The following ABCC1 variants were observed in gnomAD, a reference collection of about 807,000 sequenced individuals.
ABCC1 encodes ATP binding cassette subfamily C member 1 (ABCC1 blood group).
In ABCC1, 83 loss-of-function variants were observed where a neutral mutation model predicts 172.9. That is an observed-to-expected ratio of 0.48 (90% confidence interval 0.40 to 0.58). The LOEUF is 0.58. Among genes scored for constraint, ABCC1 ranks in the 20% least tolerant of loss-of-function variants. The pLI, the probability that ABCC1 is intolerant of heterozygous loss-of-function variation, is 0.00. For missense variants in ABCC1, 1,817 were observed against 2,002.7 expected (o/e 0.91, Z 1.77); for synonymous variants, 937 against 825.2 (o/e 1.14, Z -2.32).
chr16:16,108,603 T>TA (rs2052248447), intron 21 of ABCC1, among the ~76,000 whole-genome samples: 1 of 150,408 alleles, frequency 6.6e-6, no homozygotes, highest in East Asian at 1.9e-4. Flanking sequence ...TGTTTTCTTT[T>TA]TTTTTTTTCT....
Position 16,078,737 on chromosome 16 carries a change from C to T in ABCC1, c.1989-615C>T, listed in dbSNP as rs536785841. Among the ~76,000 whole-genome samples the T allele has an allele frequency of 1.5e-3, 232 of 152,284 alleles. 2 individuals are homozygous for T. The highest frequency in any genetic ancestry group is 7.3e-3 in the South Asian group (35 of 4,824). The stretch of plus-strand genomic sequence containing the variant: ...TCTTGCCCAGATCGGAGTGCAGTGG[C>T]ACGATCTCAGCTCACTGTAACCTCC... On this transcript the variant is annotated intron_variant, in intron 15 of 30. Coordinates refer to ENST00000399410, the MANE Select transcript of ABCC1 (RefSeq NM_004996.4).
intron 1 of ABCC1, among the ~76,000 whole-genome samples, chr16:15,956,294 G>C (rs945036302): frequency 3.3e-5 from 5 of 151,954 alleles, no homozygotes; most frequent in African/African-American, 1.2e-4. Flanking sequence ...GAACCTGGTA[G>C]GCGGACACTG....
chr16:16,019,895 G>T (rs1279789579), intron 5 of ABCC1, among the ~76,000 whole-genome samples: 1 of 152,116 alleles, frequency 6.6e-6, no homozygotes, highest in Non-Finnish European at 1.5e-5. Context: ...GGCTCCTCCT[G>T]TGTCACTGCT....
rs765984154 is a variant in ABCC1, at chr16:16,007,830, G to C, written c.63G>C (p.Thr21=). 1.9e-6 allele frequency: 3 copies of C among 1,612,734 alleles called. No individual in the cohort carries two copies. The highest frequency in any genetic ancestry group is 2.2e-5 in the South Asian group (2 of 90,726). ...TGTGTTCGCAGGACTGGAATGTCAC[G>C]TGGAATACCAGCAACCCCGACTTCA... is the stretch of plus-strand genomic sequence containing the variant. ...GSDPLWDWNV[T]WNTSNPDFTK... Residue 21 remains threonine (T), a synonymous_variant, in exon 2 of 31, where the codon ACG becomes ACC. Coordinates refer to ENST00000399410, the MANE Select transcript of ABCC1 (RefSeq NM_004996.4).
At position 16,046,092 on chromosome 16, in the gene ABCC1, G is replaced by A. The variant is rs953826116; in HGVS notation, c.1218+79G>A. ...AGCCCTGGGTTACTCTGGGGCCAGC[G>A]TGGGGATTTCCAGCCCAGCTTCTGG... On this transcript the variant is annotated intron_variant, in intron 9 of 30. Coordinates refer to ENST00000399410, the MANE Select transcript of ABCC1 (RefSeq NM_004996.4). 7.0e-5 allele frequency: 106 copies of A among 1,506,314 alleles called. No individual in the cohort carries two copies. The Admixed American group carries it at 8.9e-4, about 13-fold the overall frequency. The allele number at this position is 1,506,314 out of a possible 1,614,324, so 93.3% of individuals were successfully genotyped here. A position where few individuals can be genotyped will look rare whatever the true frequency, so the allele number is the denominator to read the frequency against.
intron 19 of ABCC1, among the ~76,000 whole-genome samples, chr16:16,093,811 AC>A (rs2051349494): frequency 1.3e-5 from 2 of 151,938 alleles, no homozygotes; most frequent in African/African-American, 4.8e-5. Context: ...TTTTTAGAAC[AC>A]CCAGGCTGAA....
At chr16:16,090,101 A>T (rs963287189) in intron 18 of ABCC1, among the ~76,000 whole-genome samples, 9 of 151,966 alleles carry the variant, frequency 5.9e-5, no homozygotes, top group African/African-American at 2.2e-4. Context: ...GCACTATTCT[A>T]CTAGTGTTCG....
At chr16:16,089,914 G>A (rs2051172897) in intron 18 of ABCC1, among the ~76,000 whole-genome samples, 1 of 149,260 alleles carries the variant, frequency 6.7e-6, no homozygotes, top group African/African-American at 2.5e-5. Context: ...CATACAAACT[G>A]TTTTGCTGTG....
chr16:16,037,017 A>G (rs1026416425), intron 7 of ABCC1, among the ~76,000 whole-genome samples: 9 of 151,916 alleles, frequency 5.9e-5, no homozygotes, highest in Non-Finnish European at 1.3e-4. Flanking sequence ...CAGGAGAATC[A>G]CTTGAACCCA....
At position 16,141,239 on chromosome 16, in the gene ABCC1, AG is replaced by A; in HGVS notation, c.4556del (p.Gly1519ValfsTer46). On this transcript the variant is annotated frameshift_variant, in exon 31 of 31. Coordinates refer to ENST00000399410, the MANE Select transcript of ABCC1 (RefSeq NM_004996.4). LOFTEE classifies it high-confidence loss of function. ...CCCCATCGGACCTCCTGCAGCAGAG[AG>A]GTCTTTTCTACAGCATGGCCAAAGA... is the stretch of plus-strand genomic sequence containing the variant. ...GAPSDLLQQR[G>X]LFYSMAKDAG... The A allele has an allele frequency of 6.2e-7, 1 of 1,614,086 alleles. No individual in the cohort carries two copies. The highest frequency in any genetic ancestry group is 8.5e-7 in the Non-Finnish European group (1 of 1,180,030).
At chr16:16,090,824 C>T (rs574344232) in intron 19 of ABCC1, among the ~76,000 whole-genome samples, 11 of 152,304 alleles carry the variant, frequency 7.2e-5, no homozygotes, top group African/African-American at 2.6e-4. Flanking sequence ...CACCAGGCTT[C>T]AGCTCAGCTG....
Position 16,088,448 on chromosome 16 carries a change from A to C in ABCC1, c.2460+1457A>C, listed in dbSNP as rs2051106013. ...TAACAGAGCGAGACTCCGTCTCAGAAAATATATCTAAATAAAGTAAATAAA... is the reference window on the plus strand; with the variant it reads ...TAACAGAGCGAGACTCCGTCTCAGACAATATATCTAAATAAAGTAAATAAA... On this transcript the variant is annotated intron_variant, in intron 18 of 30. Transcript: ENST00000399410. Among the ~76,000 whole-genome samples, 4 of 152,318 alleles carry C rather than the reference A, an allele frequency of 2.6e-5. No individual in the cohort carries two copies. The South Asian group carries it at 8.3e-4, about 32-fold the overall frequency.
chr16:16,015,131 CT>C (rs10694441), intron 4 of ABCC1, among the ~76,000 whole-genome samples: 163 of 124,512 alleles, frequency 1.3e-3, no homozygotes, highest in Middle Eastern at 4.3e-3. Flanking sequence ...GGAGTGTGCA[CT>C]TTTTTTTTTT....
intron 30 of ABCC1, among the ~76,000 whole-genome samples, chr16:16,140,023 CTT>C (rs2152185313): frequency 1.3e-5 from 2 of 152,322 alleles, no homozygotes; most frequent in Admixed American, 1.3e-4. Context: ...TCCAATAAAA[CTT>C]TATTCATAAA....
rs2044970576 is a variant in ABCC1, at chr16:16,117,970, G to A, written c.3390+2894G>A. ...GTGTAGGCAGTCAGTCGTCTCTGCT[G>A]CATCCCTTCTGCAGAAACGGTTATA... is the stretch of plus-strand genomic sequence containing the variant. On this transcript the variant is annotated intron_variant, in intron 23 of 30. Transcript: ENST00000399410. Among the ~76,000 whole-genome samples the A allele has an allele frequency of 2.0e-5, 3 of 152,212 alleles. No individual in the cohort carries two copies. In the South Asian group the frequency reaches 6.2e-4, roughly 32 times the overall value.
chr16:16,070,004 G>C (rs974290836), intron 13 of ABCC1, among the ~76,000 whole-genome samples: 3 of 152,184 alleles, frequency 2.0e-5, no homozygotes, highest in Non-Finnish European at 2.9e-5. Flanking sequence ...CTGCACTCCA[G>C]CCTGGGCGAC....
In ABCC1 at chr16:16,134,342, TC is replaced by T. The variant is rs1159530846; in HGVS notation, c.3967-6del. ...TTCCCACCACACCTGGGCCCTTCTG[TC>T]CTGCAGGTCGGCATCGTGGGGCGGA... is the stretch of plus-strand genomic sequence containing the variant. On this transcript the variant is annotated splice_region_variant and splice_polypyrimidine_tract_variant and intron_variant, in intron 27 of 30. Coordinates refer to ENST00000399410, the MANE Select transcript of ABCC1 (RefSeq NM_004996.4). 3 of 1,614,050 alleles carry T rather than the reference TC, an allele frequency of 1.9e-6. No homozygotes were observed. The South Asian group carries it at 3.3e-5, about 18-fold the overall frequency.
In ABCC1 at chr16:15,959,063, T is replaced by C. The variant is rs574690480; in HGVS notation, c.48+9264T>C. On this transcript the variant is annotated intron_variant, in intron 1 of 30. Transcript: ENST00000399410. ...TGTGGAGGAATATGGGGGAGAAACA[T>C]GGAGCAAGACCTTCCTCCTCATCCT... Among the ~76,000 whole-genome samples, 15 of 152,280 alleles carry C rather than the reference T, an allele frequency of 9.9e-5. No individual in the cohort carries two copies. In the East Asian group the frequency reaches 2.7e-3, roughly 27 times the overall value.
At chr16:15,989,609 C>T (rs1433096866) in intron 1 of ABCC1, among the ~76,000 whole-genome samples, 2 of 152,080 alleles carry the variant, frequency 1.3e-5, no homozygotes, top group East Asian at 1.9e-4. Flanking sequence ...AGCACCCTGT[C>T]GTCTTGCCTT....
Sources: allele counts gnomAD v4.1 joint callset (sites outside exome capture counted in the v4.1 genomes callset), GRCh38; gene constraint gnomAD v4.1.1; transcripts MANE v1.5; gene names NCBI Gene and HGNC (gene_info 2026-07-23, HGNC 2026-07-21).